Variants in ADAMTS13 observed in about 807,000 individuals in gnomAD.
The protein encoded by ADAMTS13 is ADAM metallopeptidase with thrombospondin type 1 motif 13, also known as A disintegrin and metalloproteinase with thrombospondin motifs 13.
In ADAMTS13, 110 loss-of-function variants were observed where a neutral mutation model predicts 155.1. The ratio of observed to expected loss-of-function variants is 0.71; its 90% CI spans 0.61 to 0.83. The LOEUF (loss-of-function observed/expected upper bound fraction) is 0.83. Ranked by LOEUF, ADAMTS13 falls within the 40% of genes least tolerant of loss-of-function variation. ADAMTS13 has a pLI of 0.00. For missense variants in ADAMTS13, 1,707 were observed against 1,891.7 expected, an observed-to-expected ratio of 0.90 and a Z score of 1.81; for synonymous variants, 758 against 756.4, an observed-to-expected ratio of 1.00 and a Z score of -0.03.
Position 133,439,402 on chromosome 9 carries a change from C to G in ADAMTS13, c.1742C>G (p.Thr581Ser). The G allele has an allele frequency of 6.2e-7, 1 of 1,614,098 alleles. No homozygotes were observed. The change falls in exon 15 of 29, where the codon ACC becomes AGC. Residue 581 changes from threonine (T) to serine (S), a missense_variant. Physicochemically the swap from Thr to Ser is moderately conservative, Grantham distance 58. Around this residue, in one of 3 missense-constraint regions of ADAMTS13, gnomAD observed 961 missense variants for 1,107.9 expected, o/e 0.87. Transcript: ENST00000355699. The stretch of plus-strand genomic sequence containing the variant: ...TTTCTGACAGTTACCCCCAACCTGA[C>G]CAGTGTCTACATTGCCAACCACAGG... ...VTFLTVTPNLTSVYIANHRPL... is the reference protein window; with the variant it reads ...VTFLTVTPNLSSVYIANHRPL...
At chr9:133,427,869 A>G (rs1840386834) in intron 6 of ADAMTS13, among the ~76,000 whole-genome samples, 1 of 152,230 alleles carries the variant, frequency 6.6e-6, no homozygotes, top group South Asian at 2.1e-4. Context: ...TTCTAGAAAA[A>G]GGGCAGTAAC....
At chr9:133,435,977 CTT>C (rs781795173) in intron 11 of ADAMTS13, among the ~76,000 whole-genome samples, 8 of 128,352 alleles carry the variant, frequency 6.2e-5, no homozygotes, top group East Asian at 4.4e-4. Flanking sequence ...CTTTTCTCTT[CTT>C]TTTTTTTTTT....
At chr9:133,416,504 G>A (rs1294808798) in intron 1 of ADAMTS13, among the ~76,000 whole-genome samples, 4 of 152,116 alleles carry the variant, frequency 2.6e-5, no homozygotes, top group Admixed American at 6.5e-5. Context: ...TGGGCTACTC[G>A]GGAGGCTGAG....
chr9:133,448,729 G>C lies in ADAMTS13; in HGVS notation c.2861+1G>C. 10 of 1,600,158 alleles carry C rather than the reference G, an allele frequency of 6.2e-6. No homozygotes were observed. The highest frequency in any genetic ancestry group is 8.5e-6 in the Non-Finnish European group (10 of 1,179,708). On this transcript the variant is annotated splice_donor_variant, in intron 22 of 28. Transcript: ENST00000355699. LOFTEE classifies it high-confidence loss of function. ...GCCAGGCTGTCCCGTGCCCTGCTCG[G>C]TGAGTGAGGGGAGCAAGACTGTGTG...
At chr9:133,438,614 CA>C (rs782150246) in intron 14 of ADAMTS13, among the ~76,000 whole-genome samples, 16 of 151,452 alleles carry the variant, frequency 1.1e-4, no homozygotes, top group African/African-American at 3.4e-4. Flanking sequence ...AGCCGTGCTG[CA>C]AAAAAAACAC....
intron 12 of ADAMTS13, among the ~76,000 whole-genome samples, chr9:133,437,199 C>T (rs962039849): frequency 1.3e-5 from 2 of 152,182 alleles, no homozygotes; most frequent in Admixed American, 1.3e-4. Flanking sequence ...TAGGTCCCTC[C>T]CTGGGCGCTA....
intron 12 of ADAMTS13, 76 bp downstream of exon 12, chr9:133,437,031 G>A: frequency 1.3e-6 from 2 of 1,519,854 alleles, no homozygotes; most frequent in South Asian, 1.2e-5. Flanking sequence ...TCATAGGGGG[G>A]TTGGCCTACT....
At chr9:133,433,206 T>C (rs1320754574) in intron 9 of ADAMTS13, among the ~76,000 whole-genome samples, 172 bp from the exon 10 acceptor site, 1 of 146,538 alleles carries the variant, frequency 6.8e-6, no homozygotes, top group Non-Finnish European at 1.5e-5. Flanking sequence ...GATCCCTGTG[T>C]GTTGGGGGAT....
upstream of ADAMTS13, among the ~76,000 whole-genome samples, chr9:133,419,168 T>C (rs1839842540): frequency 6.6e-6 from 1 of 152,142 alleles, no homozygotes; most frequent in Non-Finnish European, 1.5e-5. Context: ...TGTGCGTGTG[T>C]AACAGGCAGA....
upstream of ADAMTS13, among the ~76,000 whole-genome samples, chr9:133,420,241 A>G (rs1554782736): frequency 6.6e-6 from 1 of 151,970 alleles, no homozygotes; most frequent in Non-Finnish European, 1.5e-5. Context: ...GGGTTTCACT[A>G]TGCTGGCCAG....
intron 6 of ADAMTS13, 54 bp from the exon 7 acceptor site, chr9:133,428,580 C>G: frequency 1.9e-6 from 1 of 537,990 alleles, no homozygotes; most frequent in Non-Finnish European, 2.7e-6. Flanking sequence ...CCGCCCCCAC[C>G]CCCGCCCCCG....
intron 22 of ADAMTS13, 29 bp downstream of exon 22, chr9:133,448,757 G>T: frequency 1.3e-6 from 2 of 1,595,902 alleles, no homozygotes; most frequent in South Asian, 1.1e-5. Context: ...ACTGTGTGCT[G>T]GCCTTCTCCC....
intron 15 of ADAMTS13, 152 bp downstream of exon 15, chr9:133,439,598 G>T (rs1841511054): frequency 4.1e-6 from 3 of 735,722 alleles, no homozygotes; most frequent in Non-Finnish European, 7.4e-6. Context: ...AAGACTCCCA[G>T]AGCTCACTGA....
chr9:133,439,336 A>G (rs782044981), intron 14 of ADAMTS13, 30 bp from the exon 15 acceptor site: 6 of 1,531,080 alleles, frequency 3.9e-6, no homozygotes, highest in Middle Eastern at 3.4e-4. Flanking sequence ...TGTGAGGTCC[A>G]CGCATCTCTC....
In ADAMTS13 at chr9:133,444,788, G is replaced by T. The variant is rs187036328; in HGVS notation, c.2421-75G>T. ...TGGGGAGCAGGTCCCCTTCCTCCCT[G>T]CCCCTAGCAGCTGGGCTATACCTTC... On this transcript the variant is annotated intron_variant, in intron 19 of 28. Transcript: ENST00000355699. 1.2e-4 allele frequency: 179 copies of T among 1,504,774 alleles called. 2 individuals carry two copies. In the African/African-American group the frequency reaches 2.3e-3, roughly 19 times the overall value. The allele number at this position is 1,504,774 out of a possible 1,614,324, so 93.2% of individuals were successfully genotyped here.
chr9:133,450,663 C>G (rs979534012), intron 23 of ADAMTS13, among the ~76,000 whole-genome samples: 1 of 151,848 alleles, frequency 6.6e-6, no homozygotes, highest in Admixed American at 6.6e-5. Context: ...GCAGGAGAAT[C>G]GCTTGAACCC....
intron 11 of ADAMTS13, among the ~76,000 whole-genome samples, chr9:133,435,293 T>A (rs186345285): frequency 2.4e-4 from 37 of 151,930 alleles, no homozygotes; most frequent in South Asian, 1.0e-3. Flanking sequence ...TTCAAGCGAT[T>A]CCCCTGCCTC....
At chr9:133,417,991 A>G, upstream of ADAMTS13, 1 of 707,182 alleles carries the variant, frequency 1.4e-6, no homozygotes, top group Non-Finnish European at 2.3e-6. Flanking sequence ...TCCGGAAGAG[A>G]CCCCGCACGC....
In ADAMTS13 at chr9:133,448,146, C is replaced by T. The variant is rs1335326074; in HGVS notation, c.2732-453C>T. ...CTGGGATTACAGGTGCGCACCACCA[C>T]GCTCAGCTAATTTTTGTATTTTTAG... On this transcript the variant is annotated intron_variant, in intron 21 of 28. Coordinates refer to ENST00000355699, the MANE Select transcript of ADAMTS13 (RefSeq NM_139027.6). 2.6e-5 allele frequency among the ~76,000 whole-genome samples: 4 copies of T among 151,964 alleles called. No individual in the cohort carries two copies. The South Asian group carries it at 6.2e-4, about 24-fold the overall frequency.
Sources: gnomAD v4.1 joint callset for allele counts (sites outside exome capture counted in the v4.1 genomes callset) on GRCh38, gnomAD v4.1.1 for gene constraint, gnomAD v4.1.1 regional missense constraint, MANE v1.5 for transcripts, NCBI Gene and HGNC (gene_info 2026-07-23, HGNC 2026-07-21) for gene names.